Variants in NIBAN2 observed in about 807,000 individuals in gnomAD.
NIBAN2 encodes the protein protein Niban 2.
In NIBAN2, 36 loss-of-function variants were observed where a neutral mutation model predicts 81.8. That is an observed-to-expected ratio of 0.44 (90% CI 0.34 to 0.58). The LOEUF (loss-of-function observed/expected upper bound fraction) is 0.58. NIBAN2 is among the 20% of genes least tolerant of loss of function. The probability of loss-of-function intolerance (pLI) is 0.02; values close to 1 mark genes in which losing one functional copy is unlikely to be tolerated. For synonymous variants in NIBAN2, 445 were observed against 441.6 expected, an observed-to-expected ratio of 1.01 and a Z score of -0.10; for missense variants, 897 against 1,014.1, an observed-to-expected ratio of 0.88 and a Z score of 1.57.
chr9:127,556,036 C>T (rs1837662700), intron 1 of NIBAN2, among the ~76,000 whole-genome samples: 2 of 152,068 alleles, frequency 1.3e-5, no homozygotes, highest in African/African-American at 4.8e-5. Context: ...CCACCCTACC[C>T]GCACCCCTCC....
At chr9:127,573,118 G>T (rs1837967184), upstream of NIBAN2, among the ~76,000 whole-genome samples, 1 of 152,170 alleles carries the variant, frequency 6.6e-6, no homozygotes, top group Non-Finnish European at 1.5e-5. Context: ...TCAAACACTG[G>T]AACAGGTAGG....
At chr9:127,552,118 G>C (rs1837587299) in intron 1 of NIBAN2, among the ~76,000 whole-genome samples, 1 of 152,130 alleles carries the variant, frequency 6.6e-6, no homozygotes, top group Non-Finnish European at 1.5e-5. Flanking sequence ...CCCCAGACAG[G>C]GGTCCCCAAG....
intron 1 of NIBAN2, among the ~76,000 whole-genome samples, chr9:127,537,210 C>T (rs563253795): frequency 3.5e-4 from 53 of 152,298 alleles, no homozygotes; most frequent in Non-Finnish European, 7.1e-4. Flanking sequence ...GCCCTGCAAG[C>T]GCCTAGCTCT....
At position 127,508,255 on chromosome 9, in the gene NIBAN2, G is replaced by T; in HGVS notation, c.1435-55C>A. On this transcript the variant is annotated intron_variant, in intron 11 of 13. Transcript: ENST00000373312. The surrounding 1 kb of genome is among the most constrained non-coding windows in gnomAD (Gnocchi z 6.4). ...CAGGTCAGTGGGCTCCATTGGCCCT[G>T]AGGGTAGGACGAGGCCAGTGGTCTG... is the stretch of plus-strand genomic sequence containing the variant. The T allele has an allele frequency of 1.3e-6, 2 of 1,483,002 alleles. No individual in the cohort carries two copies. The highest frequency in any genetic ancestry group is 1.4e-5 in the African/African-American group (1 of 72,500). 91.9% of individuals were successfully genotyped at this position (1,483,002 alleles called of 1,614,324 possible). A position where few individuals can be genotyped will look rare whatever the true frequency, so the allele number is the denominator to read the frequency against.
chr9:127,549,736 C>T (rs1837541933), intron 1 of NIBAN2, among the ~76,000 whole-genome samples: 1 of 152,208 alleles, frequency 6.6e-6, no homozygotes, highest in Non-Finnish European at 1.5e-5. Flanking sequence ...ATTGGAATGC[C>T]AGGGACCCTT....
At chr9:127,562,043 G>A (rs551969959) in intron 1 of NIBAN2, among the ~76,000 whole-genome samples, 197 of 152,302 alleles carry the variant, frequency 1.3e-3, no homozygotes, top group African/African-American at 4.6e-3. Context: ...AGCTCTGCCC[G>A]CGGGGAAGGA....
At chr9:127,529,190 C>T (rs940453520) in intron 2 of NIBAN2, among the ~76,000 whole-genome samples, 3 of 152,230 alleles carry the variant, frequency 2.0e-5, no homozygotes, top group African/African-American at 7.2e-5. Context: ...GGTCAGATAA[C>T]TGGAACTCCT....
At chr9:127,546,782 G>C (rs750700314) in intron 1 of NIBAN2, among the ~76,000 whole-genome samples, 1 of 151,952 alleles carries the variant, frequency 6.6e-6, no homozygotes, top group Non-Finnish European at 1.5e-5. Context: ...CTGGCCACTG[G>C]GTACTCAGGA....
At chr9:127,540,592 G>A (rs569994578) in intron 1 of NIBAN2, among the ~76,000 whole-genome samples, 8 of 152,280 alleles carry the variant, frequency 5.3e-5, no homozygotes, top group Non-Finnish European at 7.3e-5. Flanking sequence ...CCAGGTGACC[G>A]AGAACTGGGT....
rs1394263737 is a variant in NIBAN2 at position 127,569,039 on chromosome 9, C to G, written c.-165G>C. On this transcript the variant is annotated 5_prime_UTR_variant, in exon 1 of 14. Coordinates refer to ENST00000373312, the MANE Select transcript of NIBAN2 (RefSeq NM_022833.4). ...CTGCGGCTTCCGCTCCGGCTCCGCT[C>G]CCGGTCGGGCCCCGTCCCTCCAGCC... is the stretch of plus-strand genomic sequence containing the variant. 7.3e-6 allele frequency: 8 copies of G among 1,095,500 alleles called. No individual in the cohort carries two copies. Among genetic ancestry groups the G allele is most frequent in the Non-Finnish European group, 7.7e-6 (7 of 904,662 alleles). The allele number at this position is 1,095,500 out of a possible 1,614,324, so 67.9% of individuals were successfully genotyped here.
chr9:127,546,008 C>T (rs1466609200), intron 1 of NIBAN2, among the ~76,000 whole-genome samples: 1 of 152,136 alleles, frequency 6.6e-6, no homozygotes, highest in Non-Finnish European at 1.5e-5. Context: ...CAGGGGGTGC[C>T]GAGGCCCCCA....
At chr9:127,548,898 C>T (rs895716900) in intron 1 of NIBAN2, among the ~76,000 whole-genome samples, 1 of 152,214 alleles carries the variant, frequency 6.6e-6, no homozygotes, top group African/African-American at 2.4e-5. Flanking sequence ...ACAGAAGACA[C>T]ACAAGATCCC....
intron 1 of NIBAN2, among the ~76,000 whole-genome samples, chr9:127,566,693 A>C (rs1837864754): frequency 6.6e-6 from 1 of 152,102 alleles, no homozygotes; most frequent in Non-Finnish European, 1.5e-5. Context: ...TGGGGCAGAG[A>C]ACAAGGCCTC....
At chr9:127,524,136 C>T (rs1441044466) in intron 4 of NIBAN2, among the ~76,000 whole-genome samples, 1 of 152,206 alleles carries the variant, frequency 6.6e-6, no homozygotes, top group Non-Finnish European at 1.5e-5. Flanking sequence ...CTGTAAAGCA[C>T]AAACAACACA....
Position 127,509,091 on chromosome 9 carries a change from T to C in NIBAN2, c.1202A>G (p.Lys401Arg). ...KLSRLAYHPL[K>R]MQSCYEKMES... ...CATCTTCTCATAGCAGCTCTGCATCTTCAGGGGGTGGTACGCCAGCCGGGA... is the reference window on the plus strand; with the variant it reads ...CATCTTCTCATAGCAGCTCTGCATCCTCAGGGGGTGGTACGCCAGCCGGGA... Residue 401 changes from lysine (K) to arginine (R), a missense_variant, in exon 10 of 14, where the codon AAG (lysine) becomes AGG (arginine). This residue lies in a region of NIBAN2 where 619 missense variants were observed against 691.0 expected (regional missense o/e 0.90). Coordinates refer to ENST00000373312, the MANE Select transcript of NIBAN2 (RefSeq NM_022833.4). 4 of 1,613,194 alleles carry C rather than the reference T, an allele frequency of 2.5e-6. No homozygotes were observed. The highest frequency in any genetic ancestry group is 3.4e-6 in the Non-Finnish European group (4 of 1,179,862).
intron 1 of NIBAN2, among the ~76,000 whole-genome samples, chr9:127,541,733 C>G (rs1422071108): frequency 6.6e-6 from 1 of 152,154 alleles, no homozygotes; most frequent in African/African-American, 2.4e-5. Flanking sequence ...GTCCCCCACC[C>G]AATCAATTCC....
rs924079838 is a variant in NIBAN2, at chr9:127,563,522, G to A, written c.55+5298C>T. 5.5e-5 allele frequency among the ~76,000 whole-genome samples: 8 copies of A among 146,000 alleles called. No individual in the cohort carries two copies. The highest frequency in any genetic ancestry group is 9.1e-5 in the Non-Finnish European group (6 of 66,050). Reference sequence around the variant, plus strand: ...ACAGCCACTTCCCAAATGTTGAGAGGTAGATTTTTTTTTTTTTTGAGACAG... The same window carrying A: ...ACAGCCACTTCCCAAATGTTGAGAGATAGATTTTTTTTTTTTTTGAGACAG... On this transcript the variant is annotated intron_variant, in intron 1 of 13. Coordinates refer to ENST00000373312, the MANE Select transcript of NIBAN2 (RefSeq NM_022833.4). This position sits in a 1 kb window ranked among gnomAD's most constrained non-coding sequence, Gnocchi z 4.1.
At chr9:127,547,565 C>T (rs1044164997) in intron 1 of NIBAN2, among the ~76,000 whole-genome samples, 5 of 151,588 alleles carry the variant, frequency 3.3e-5, no homozygotes, top group East Asian at 1.9e-4. Context: ...CCACCGGGCA[C>T]GGTGGCTCAC....
At chr9:127,513,659 C>T (rs1836774405) in intron 8 of NIBAN2, among the ~76,000 whole-genome samples, 1 of 152,232 alleles carries the variant, frequency 6.6e-6, no homozygotes, top group Non-Finnish European at 1.5e-5. Flanking sequence ...TCCCTATATG[C>T]TCTATCTAAA....
Sources: allele counts gnomAD v4.1 joint callset (sites outside exome capture counted in the v4.1 genomes callset), GRCh38; gene constraint gnomAD v4.1.1; regional missense constraint gnomAD v4.1.1; non-coding constraint Gnocchi (gnomAD v3.1); transcripts MANE v1.5; gene names NCBI Gene and HGNC (gene_info 2026-07-23, HGNC 2026-07-21).